The following LIPI variants were observed in gnomAD, a reference collection of about 807,000 sequenced individuals.
LIPI encodes lipase I.
In LIPI, 59 loss-of-function variants were observed where a neutral mutation model predicts 50.6. That is an observed-to-expected ratio of 1.16 (90% CI 0.94 to 1.45). The LOEUF (loss-of-function observed/expected upper bound fraction) is 1.45, where lower values mean the gene tolerates loss of function less well. LIPI is among the 40% of genes most tolerant of loss of function. The pLI is 0.00. For synonymous variants in LIPI, 203 were observed against 178.2 expected, an observed-to-expected ratio of 1.14 and a Z score of -1.11; for missense variants, 586 against 536.3, an observed-to-expected ratio of 1.09 and a Z score of -0.92.
intron 8 of LIPI, among the ~76,000 whole-genome samples, chr21:14,150,049 C>A (rs1215658947): frequency 6.6e-6 from 1 of 152,176 alleles, no homozygotes; most frequent in Non-Finnish European, 1.5e-5. Flanking sequence ...TTCCACACTG[C>A]CCTAGCAGAG....
At chr21:14,189,635 G>A (rs1568878509) in intron 1 of LIPI, among the ~76,000 whole-genome samples, 1 of 151,946 alleles carries the variant, frequency 6.6e-6, no homozygotes, top group African/African-American at 2.4e-5. Flanking sequence ...AAATGTGATT[G>A]GTTAAAAAAT....
chr21:14,186,236 A>G (rs2019452867), intron 2 of LIPI, among the ~76,000 whole-genome samples, 167 bp from the exon 3 acceptor site: 2 of 152,222 alleles, frequency 1.3e-5, no homozygotes, highest in African/African-American at 4.8e-5. Context: ...ATATTTGTTC[A>G]ACTTTTGCCA....
chr21:14,123,606 A>G (rs2016943424), intron 9 of LIPI, among the ~76,000 whole-genome samples: 2 of 152,192 alleles, frequency 1.3e-5, no homozygotes, highest in Admixed American at 1.3e-4. Flanking sequence ...ACACAAACAT[A>G]AAGAAGGACA....
chr21:14,146,156 G>C (rs2017896360), intron 8 of LIPI, among the ~76,000 whole-genome samples: 1 of 152,006 alleles, frequency 6.6e-6, no homozygotes, highest in South Asian at 2.1e-4. Context: ...CTTCAGCTAA[G>C]GCCTGTATGC....
At chr21:14,170,839 A>G (rs1437956556) in intron 4 of LIPI, among the ~76,000 whole-genome samples, 1 of 151,572 alleles carries the variant, frequency 6.6e-6, no homozygotes, top group African/African-American at 2.4e-5. Flanking sequence ...ACTCCTATTC[A>G]ACATAGTGTT....
At chr21:14,127,970 C>A (rs2017131887) in intron 9 of LIPI, among the ~76,000 whole-genome samples, 1 of 151,646 alleles carries the variant, frequency 6.6e-6, no homozygotes, top group East Asian at 1.9e-4. Context: ...TTTAATAATC[C>A]ACAAAAGATA....
chr21:14,131,542 A>G (rs1430285365), intron 9 of LIPI, among the ~76,000 whole-genome samples: 1 of 152,214 alleles, frequency 6.6e-6, no homozygotes, highest in Admixed American at 6.5e-5. Flanking sequence ...CCAACAATCT[A>G]CAAACATCTT....
At chr21:14,120,124 G>A (rs1226082612) in intron 9 of LIPI, among the ~76,000 whole-genome samples, 1 of 152,216 alleles carries the variant, frequency 6.6e-6, no homozygotes, top group African/African-American at 2.4e-5. Context: ...TGTAGAAACA[G>A]TGGATGAAGT....
At chr21:14,160,799 T>TA (rs1241019920) in intron 7 of LIPI, among the ~76,000 whole-genome samples, 11 of 150,558 alleles carry the variant, frequency 7.3e-5, no homozygotes, top group South Asian at 2.1e-4. Context: ...GTCAACAGCT[T>TA]AAAAAAAAGC....
chr21:14,114,772 A>G (rs187115340), intron 9 of LIPI, among the ~76,000 whole-genome samples: 1 of 152,346 alleles, frequency 6.6e-6, no homozygotes, highest in African/African-American at 2.4e-5. Context: ...CAAGAAAGCC[A>G]ACAAACTTCA....
chr21:14,159,079 C>T (rs550163443), intron 7 of LIPI, among the ~76,000 whole-genome samples: 2 of 151,606 alleles, frequency 1.3e-5, no homozygotes, highest in African/African-American at 4.8e-5. Context: ...ACAAATCTTG[C>T]ACGATCTCTT....
intron 4 of LIPI, among the ~76,000 whole-genome samples, chr21:14,174,061 C>T (rs897654614): frequency 2.6e-5 from 4 of 152,150 alleles, no homozygotes; most frequent in Admixed American, 2.0e-4. Flanking sequence ...TATATGAACT[C>T]GACATGGAGT....
chr21:14,168,474 G>A (rs2018772697), intron 4 of LIPI, among the ~76,000 whole-genome samples: 2 of 152,254 alleles, frequency 1.3e-5, no homozygotes, highest in East Asian at 1.9e-4. Context: ...GAAAGGTCGG[G>A]TTACCCACAA....
intron 9 of LIPI, among the ~76,000 whole-genome samples, chr21:14,117,535 G>A (rs376903501): frequency 7.9e-5 from 12 of 152,304 alleles, no homozygotes; most frequent in African/African-American, 2.9e-4. Context: ...GAGATACTGA[G>A]AGGCTCTGAT....
chr21:14,146,503 CAA>C (rs1402336622), intron 8 of LIPI, among the ~76,000 whole-genome samples: 4 of 152,120 alleles, frequency 2.6e-5, no homozygotes, highest in Admixed American at 6.6e-5. Context: ...TATAAACCTT[CAA>C]ACCCAGGGCA....
At chr21:14,147,816 A>G (rs1161555181) in intron 8 of LIPI, among the ~76,000 whole-genome samples, 1 of 152,158 alleles carries the variant, frequency 6.6e-6, no homozygotes, top group Non-Finnish European at 1.5e-5. Context: ...CAACATGTCT[A>G]TTCTAAAGCC....
In LIPI at chr21:14,116,961, C is replaced by T. The variant is rs185237511; in HGVS notation, c.1296-7881G>A. ...TTATCCATCTCTGGCAAGGCTTAGG[C>T]GGGAAGCCACTCCAGCAGCTGCCTC... On this transcript the variant is annotated intron_variant, in intron 9 of 9. Transcript: ENST00000681601. Among the ~76,000 whole-genome samples the T allele has an allele frequency of 8.4e-3, 1,281 of 152,194 alleles. 14 individuals are homozygous for T. Among genetic ancestry groups the T allele is most frequent in the African/African-American group, 0.029 (1,206 of 41,506 alleles).
intron 9 of LIPI, among the ~76,000 whole-genome samples, chr21:14,115,306 A>G (rs1211704480): frequency 6.6e-6 from 1 of 152,204 alleles, no homozygotes; most frequent in Non-Finnish European, 1.5e-5. Flanking sequence ...AACATATAGC[A>G]TAAATAAATG....
rs746668838 is a variant in LIPI at position 14,108,998 on chromosome 21, T to C, written c.1378A>G (p.Thr460Ala). The C allele has an allele frequency of 2.5e-6, 4 of 1,609,214 alleles. No homozygotes were observed. The Admixed American group carries it at 6.7e-5, about 27-fold the overall frequency. ...LNPNTCTPKN[T>A] ...ATTTGATGGAAGAAGGCATCTTATG[T>C]GTTCTTTGGTGTACATGTGTTTGGA... The change falls in exon 10 of 10, where the codon ACA becomes GCA. Residue 460 changes from threonine (T) to alanine (A), a missense_variant. Physicochemically the swap from Thr to Ala is moderately conservative, Grantham distance 58 (BLOSUM62 0). Coordinates refer to ENST00000681601, the MANE Select transcript of LIPI (RefSeq NM_001302998.2).
Sources: allele counts gnomAD v4.1 joint callset (sites outside exome capture counted in the v4.1 genomes callset), GRCh38; gene constraint gnomAD v4.1.1; transcripts MANE v1.5; gene names NCBI Gene and HGNC (gene_info 2026-07-23, HGNC 2026-07-21).